The following AUTS2 variants were observed in gnomAD, a reference collection of about 807,000 sequenced individuals.
The protein encoded by AUTS2 is activator of transcription and developmental regulator AUTS2.
Under a neutral mutation model 112.4 loss-of-function variants are expected in AUTS2, and 17 were observed. The ratio of observed to expected loss-of-function variants is 0.15; its 90% confidence interval spans 0.10 to 0.23. The LOEUF is 0.23. AUTS2 is among the 10% of genes least tolerant of loss of function. The pLI, the probability that AUTS2 is intolerant of heterozygous loss-of-function variation, is 1.00. For synonymous variants in AUTS2, 751 were observed against 702.7 expected (o/e 1.07, Z -1.09); for missense variants, 1,510 against 1,701.6 (o/e 0.89, Z 1.98).
chr7:70,564,793 T>C (rs1424456107), intron 5 of AUTS2, among the ~76,000 whole-genome samples: 1 of 152,168 alleles, frequency 6.6e-6, no homozygotes, highest in Non-Finnish European at 1.5e-5. Context: ...AGTACGAGGA[T>C]AATTTTTAAA....
intron 5 of AUTS2, among the ~76,000 whole-genome samples, chr7:70,635,500 C>T (rs1312840321): frequency 2.0e-5 from 3 of 152,160 alleles, no homozygotes; most frequent in Admixed American, 1.3e-4. Flanking sequence ...TCTGAGGACC[C>T]GAAGGCCTGG....
At chr7:69,633,978 G>T (rs958030408) in intron 1 of AUTS2, among the ~76,000 whole-genome samples, 1 of 152,034 alleles carries the variant, frequency 6.6e-6, no homozygotes, top group Admixed American at 6.6e-5. Flanking sequence ...TGCTTTTGTG[G>T]TCTGAGCTTT....
In AUTS2 at chr7:69,705,704, C is replaced by A. The variant is rs543026805; in HGVS notation, c.309+105742C>A. 2.0e-5 allele frequency among the ~76,000 whole-genome samples: 3 copies of A among 152,272 alleles called. No individual in the cohort carries two copies. In the South Asian group the frequency reaches 6.2e-4, roughly 32 times the overall value. ...TCTGATTTGTGGCTATATTCGTTGGCTAGGGCCACTGTAACAAAGACCAGG... is the reference window on the plus strand; with the variant it reads ...TCTGATTTGTGGCTATATTCGTTGGATAGGGCCACTGTAACAAAGACCAGG... On this transcript the variant is annotated intron_variant, in intron 1 of 18. Transcript: ENST00000342771.
At chr7:70,633,783 A>T (rs1172283294) in intron 5 of AUTS2, among the ~76,000 whole-genome samples, 1 of 152,150 alleles carries the variant, frequency 6.6e-6, no homozygotes, top group African/African-American at 2.4e-5. Flanking sequence ...GGGTGTGGTA[A>T]TGTTCTTACT....
intron 5 of AUTS2, 110 bp downstream of exon 5, chr7:70,435,891 T>C (rs1428447574): frequency 8.4e-7 from 1 of 1,190,862 alleles, no homozygotes; most frequent in Non-Finnish European, 1.2e-6. Flanking sequence ...GACAGGACCT[T>C]TTCTCTTTAG....
chr7:70,084,644 C>T (rs1183460519), intron 2 of AUTS2, among the ~76,000 whole-genome samples: 1 of 151,992 alleles, frequency 6.6e-6, no homozygotes, highest in Non-Finnish European at 1.5e-5. Flanking sequence ...ATGTTGAGCA[C>T]CTTTTCATGT....
intron 1 of AUTS2, among the ~76,000 whole-genome samples, chr7:69,722,090 AG>A (rs1798980733): frequency 6.6e-6 from 1 of 151,914 alleles, no homozygotes; most frequent in African/African-American, 2.4e-5. Flanking sequence ...AGAGCAAAGC[AG>A]GATGTGACTT....
chr7:69,631,255 T>A (rs1174504911), intron 1 of AUTS2, among the ~76,000 whole-genome samples: 3 of 152,204 alleles, frequency 2.0e-5, no homozygotes, highest in African/African-American at 7.2e-5. Context: ...CAAGGTCTTG[T>A]GCTTGCACAG....
chr7:70,753,265 T>G (rs1788981666), intron 6 of AUTS2, among the ~76,000 whole-genome samples: 1 of 152,130 alleles, frequency 6.6e-6, no homozygotes, highest in African/African-American at 2.4e-5. Flanking sequence ...AATGGCTATT[T>G]TTTCCTATTT....
chr7:69,671,347 A>G (rs754594043), intron 1 of AUTS2, among the ~76,000 whole-genome samples: 1 of 152,166 alleles, frequency 6.6e-6, no homozygotes, highest in Non-Finnish European at 1.5e-5. Flanking sequence ...GGTAATAAAC[A>G]CTTACTCAGC....
At chr7:70,397,509 C>A (rs1447518138) in intron 4 of AUTS2, among the ~76,000 whole-genome samples, 1 of 151,980 alleles carries the variant, frequency 6.6e-6, no homozygotes, top group Non-Finnish European at 1.5e-5. Flanking sequence ...CTATATAAAT[C>A]TTTTGCCCAT....
chr7:70,753,673 A>G (rs1452765784), intron 6 of AUTS2, among the ~76,000 whole-genome samples: 1 of 152,202 alleles, frequency 6.6e-6, no homozygotes, highest in Admixed American at 6.6e-5. Context: ...GAAAGTGGAC[A>G]TTTTTCTGCA....
At chr7:70,292,094 G>C (rs891943476) in intron 4 of AUTS2, 15 of 152,116 alleles carry the variant, frequency 9.9e-5, no homozygotes, top group African/African-American at 2.4e-4. Flanking sequence ...GGTAGTCTTT[G>C]GATATCCCCC....
intron 4 of AUTS2, among the ~76,000 whole-genome samples, chr7:70,390,168 C>T (rs538545275): frequency 3.9e-5 from 6 of 152,302 alleles, no homozygotes; most frequent in Admixed American, 2.0e-4. Context: ...CCTTGAATTA[C>T]GCATTGATAG....
chr7:69,903,110 A>C (rs1795030248), intron 2 of AUTS2, among the ~76,000 whole-genome samples: 1 of 152,220 alleles, frequency 6.6e-6, no homozygotes, highest in Non-Finnish European at 1.5e-5. Context: ...ACTTACAAGG[A>C]CATGGTACTT....
intron 5 of AUTS2, among the ~76,000 whole-genome samples, chr7:70,579,989 G>A (rs1044755617): frequency 4.6e-5 from 7 of 152,120 alleles, no homozygotes; most frequent in Non-Finnish European, 1.0e-4. Context: ...ACGTTTGCAG[G>A]ACAGCCTCTA....
intron 2 of AUTS2, among the ~76,000 whole-genome samples, chr7:70,004,516 G>A (rs1051978237): frequency 6.7e-6 from 1 of 148,476 alleles, no homozygotes; most frequent in African/African-American, 2.5e-5. Context: ...AAACTAGAAG[G>A]AACTACAAAA....
At chr7:70,054,757 T>A (rs1801916602) in intron 2 of AUTS2, among the ~76,000 whole-genome samples, 1 of 152,140 alleles carries the variant, frequency 6.6e-6, no homozygotes, top group South Asian at 2.1e-4. Flanking sequence ...AGTTCTGATT[T>A]CCAGAACTAT....
intron 4 of AUTS2, among the ~76,000 whole-genome samples, chr7:70,274,246 C>G (rs188388350): frequency 6.6e-6 from 1 of 152,076 alleles, no homozygotes; most frequent in African/African-American, 2.4e-5. Context: ...TTTTCTTTCT[C>G]TCCCTCTTTC....
Sources: allele counts gnomAD v4.1 joint callset (sites outside exome capture counted in the v4.1 genomes callset), GRCh38; gene constraint gnomAD v4.1.1; transcripts MANE v1.5; gene names NCBI Gene and HGNC (gene_info 2026-07-23, HGNC 2026-07-21).